The following CCNQ variants were observed in gnomAD, a reference collection of about 807,000 sequenced individuals.
CCNQ encodes the protein cyclin Q.
Under a neutral mutation model 17.7 loss-of-function variants are expected in CCNQ, and 3 were observed. The observed-to-expected ratio is 0.17, with a 90% CI of 0.08 to 0.44. The LOEUF (loss-of-function observed/expected upper bound fraction) is 0.44, where lower values mean the gene tolerates loss of function less well. Among genes scored for constraint, CCNQ ranks in the 20% least tolerant of loss-of-function variants. The pLI is 0.99. For synonymous variants in CCNQ, 73 were observed against 96.0 expected, an observed-to-expected ratio of 0.76 and a Z score of 1.40; for missense variants, 146 against 222.6, an observed-to-expected ratio of 0.66 and a Z score of 2.19.
rs59053078 is a variant in CCNQ at position 153,590,231 on chromosome X, T to TAAAAAAAAAAAAA, written c.658-1790_658-1778dup. 2.2e-3 allele frequency among the ~76,000 whole-genome samples: 59 copies of TAAAAAAAAAAAAA among 26,450 alleles called. 13 individuals are homozygous for TAAAAAAAAAAAAA. Among genetic ancestry groups the TAAAAAAAAAAAAA allele is most frequent in the South Asian group, 0.01 (2 of 200 alleles). 23.0% of individuals were successfully genotyped at this position (26,450 alleles called of 115,157 possible). Reference sequence around the variant, plus strand: ...CAATAGAGTGAGACTCTGTCTCTATTAAAAAAAAAAAAAAAAAAAAAAAAA... The same window carrying TAAAAAAAAAAAAA: ...CAATAGAGTGAGACTCTGTCTCTATTAAAAAAAAAAAAAAAAAAAAAAAAAAAAAAAAAAAAAA... On this transcript the variant is annotated intron_variant, in intron 4 of 4. Coordinates refer to ENST00000576892, the MANE Select transcript of CCNQ (RefSeq NM_152274.5).
intron 4 of CCNQ, 36 bp downstream of exon 4, chrX:153,592,470 A>AG (rs2090998226): frequency 3.4e-6 from 4 of 1,165,177 alleles, no homozygotes; most frequent in Non-Finnish European, 4.7e-6. Context: ...CCAGAGGGAA[A>AG]GGGGGCACGT....
intron 4 of CCNQ, among the ~76,000 whole-genome samples, chrX:153,590,423 C>T (rs1256320817): frequency 1.8e-5 from 2 of 110,032 alleles, no homozygotes; most frequent in African/African-American, 6.6e-5. Flanking sequence ...CACAGAAAGG[C>T]CCGCACTGTA....
rs782345676 is a variant in CCNQ, at chrX:153,599,044, C to A, written c.30G>T (p.Gly10=). ...GCCCCTCCGGGCCCCGCGCTGCAGGCCCCCCTCCGCCGCCCTCCGGGGCTT... is the reference window on the plus strand; with the variant it reads ...GCCCCTCCGGGCCCCGCGCTGCAGGACCCCCTCCGCCGCCCTCCGGGGCTT... MEAPEGGGG[G]PAARGPEGQP... Residue 10 remains glycine, a synonymous_variant, in exon 1 of 5, where the codon GGG becomes GGT. Coordinates refer to ENST00000576892, the MANE Select transcript of CCNQ (RefSeq NM_152274.5). 3.7e-6 allele frequency: 4 copies of A among 1,078,298 alleles called. No homozygotes were observed. Among genetic ancestry groups the A allele is most frequent in the Non-Finnish European group, 4.8e-6 (4 of 831,258 alleles). The allele number at this position is 1,078,298 out of a possible 1,213,427, so 88.9% of individuals were successfully genotyped here.
chrX:153,596,295 A>G, intron 1 of CCNQ, 108 bp from the exon 2 acceptor site: 3 of 874,477 alleles, frequency 3.4e-6, no homozygotes, highest in Non-Finnish European at 5.0e-6. Context: ...CTACTTGGAC[A>G]AGGCTAAGAA....
chrX:153,589,843 G>A (rs1557025365), intron 4 of CCNQ, among the ~76,000 whole-genome samples: 2 of 112,109 alleles, frequency 1.8e-5, no homozygotes, highest in African/African-American at 3.2e-5. Flanking sequence ...GGCTCTGGGT[G>A]AAAAACAAAT....
At chrX:153,588,491 C>T (rs2090969877) in intron 4 of CCNQ, 37 bp from the exon 5 acceptor site, 1 of 1,029,910 alleles carries the variant, frequency 9.7e-7, no homozygotes, top group South Asian at 1.9e-5. Context: ...CAGTTAGACT[C>T]CCTCTATGTT....
In CCNQ at chrX:153,596,086, T is replaced by C; in HGVS notation, c.214A>G (p.Ile72Val). Residue 72 changes from isoleucine to valine, a missense_variant, in exon 2 of 5, where the codon ATT (isoleucine) becomes GTT (valine). Physicochemically the swap from Ile to Val is conservative, Grantham distance 29 (BLOSUM62 3). Coordinates refer to ENST00000576892, the MANE Select transcript of CCNQ (RefSeq NM_152274.5). ...TNLDAYDPYLIAMSSIYLAGK... is the reference protein window; with the variant it reads ...TNLDAYDPYLVAMSSIYLAGK... Reference sequence around the variant, plus strand: ...GCCAAGTAAATTGAAGACATGGCAATCAGGTAAGGGTCATAGGCGTCCAGG... The same window carrying C: ...GCCAAGTAAATTGAAGACATGGCAACCAGGTAAGGGTCATAGGCGTCCAGG... 1 of 1,211,954 alleles carries C rather than the reference T, an allele frequency of 8.3e-7. No homozygotes were observed. Among genetic ancestry groups the C allele is most frequent in the Non-Finnish European group, 1.1e-6 (1 of 895,526 alleles).
chrX:153,598,024 GC>G (rs2091039622), intron 1 of CCNQ, among the ~76,000 whole-genome samples: 2 of 111,194 alleles, frequency 1.8e-5, no homozygotes, highest in Non-Finnish European at 3.8e-5. Flanking sequence ...CAGACTCTCC[GC>G]CCACCTTGGG....
rs782001234 is a variant in CCNQ, at chrX:153,599,125, G to A, written c.-52C>T. 7.5e-6 allele frequency: 5 copies of A among 668,122 alleles called. No individual in the cohort carries two copies. The African/African-American group carries it at 9.8e-5, about 13-fold the overall frequency. 55.1% of individuals were successfully genotyped at this position (668,122 alleles called of 1,213,427 possible). Reference sequence around the variant, plus strand: ...GAGGCGGCCCCGGCGCGCAGAAGCCGGCAGAACTGGAGGTGCTCGCGGCGG... The same window carrying A: ...GAGGCGGCCCCGGCGCGCAGAAGCCAGCAGAACTGGAGGTGCTCGCGGCGG... On this transcript the variant is annotated 5_prime_UTR_variant, in exon 1 of 5. Coordinates refer to ENST00000576892, the MANE Select transcript of CCNQ (RefSeq NM_152274.5).
chrX:153,588,136 C>T lies in CCNQ; in HGVS notation c.*229G>A, dbSNP rs952929380. On this transcript the variant is annotated 3_prime_UTR_variant, in exon 5 of 5. Coordinates refer to ENST00000576892, the MANE Select transcript of CCNQ (RefSeq NM_152274.5). Reference sequence around the variant, plus strand: ...TGCCTTGGGTCAGCTGCACACAGTACACTCCCGGCCTGCCCGCTGGAGGCG... The same window carrying T: ...TGCCTTGGGTCAGCTGCACACAGTATACTCCCGGCCTGCCCGCTGGAGGCG... The T allele has an allele frequency of 5.8e-6, 3 of 513,128 alleles. No individual in the cohort carries two copies. Among genetic ancestry groups the T allele is most frequent in the Non-Finnish European group, 1.1e-5 (3 of 280,037 alleles). The allele number at this position is 513,128 out of a possible 1,213,427, so 42.3% of individuals were successfully genotyped here.
At chrX:153,594,443 T>C (rs782308864) in intron 3 of CCNQ, 104 bp downstream of exon 3, 2 of 1,053,776 alleles carry the variant, frequency 1.9e-6, no homozygotes, top group East Asian at 3.0e-5. Context: ...CTGCTCTCCT[T>C]CTGTGCTGTG....
Position 153,599,079 on chromosome X carries a change from G to C in CCNQ, c.-6C>G. ...CCGCCCTCCGGGGCTTCCATGAGGCGCCGCGGCACCGGCGGAAGGAGAGGC... is the reference window on the plus strand; with the variant it reads ...CCGCCCTCCGGGGCTTCCATGAGGCCCCGCGGCACCGGCGGAAGGAGAGGC... On this transcript the variant is annotated 5_prime_UTR_variant, in exon 1 of 5. Coordinates refer to ENST00000576892, the MANE Select transcript of CCNQ (RefSeq NM_152274.5). 1 of 981,742 alleles carries C rather than the reference G, an allele frequency of 1.0e-6. No individual in the cohort carries two copies. The highest frequency in any genetic ancestry group is 4.0e-4 in the Middle Eastern group (1 of 2,472). 80.9% of individuals were successfully genotyped at this position (981,742 alleles called of 1,213,427 possible). A position where few individuals can be genotyped will look rare whatever the true frequency, so the allele number is the denominator to read the frequency against.
At position 153,588,443 on chromosome X, in the gene CCNQ, G is replaced by A. The variant is rs376050298; in HGVS notation, c.669C>T (p.Asp223=). ...TATCAATGATTGGCTTGGTAAGGTCGTCATTAAACACCTAGAAAGAAGAAG... is the reference window on the plus strand; with the variant it reads ...TATCAATGATTGGCTTGGTAAGGTCATCATTAAACACCTAGAAAGAAGAAG... The part of the protein sequence containing the change: ...AEKPWWQVFN[D]DLTKPIIDNI... The change falls in exon 5 of 5, where the codon GAC becomes GAT. Residue 223 remains aspartate, a synonymous_variant. Coordinates refer to ENST00000576892, the MANE Select transcript of CCNQ (RefSeq NM_152274.5). The A allele has an allele frequency of 2.6e-4, 310 of 1,199,793 alleles. No individual in the cohort carries two copies. Among genetic ancestry groups the A allele is most frequent in the South Asian group, 8.3e-4 (47 of 56,636 alleles).
At position 153,596,180 on chromosome X, in the gene CCNQ, C is replaced by A; in HGVS notation, c.120G>T (p.Lys40Asn). The A allele has an allele frequency of 8.2e-7, 1 of 1,212,190 alleles. No individual in the cohort carries two copies. The highest frequency in any genetic ancestry group is 1.1e-6 in the Non-Finnish European group (1 of 895,524). The change falls in exon 2 of 5, where the codon AAG becomes AAT. Residue 40 changes from lysine (K) to asparagine (N), a missense_variant. Lys to Asn is a moderately conservative substitution (Grantham distance 94). Transcript: ENST00000576892. ...VARFIMEAGV[K>N]LGMRSIPIAT... Reference sequence around the variant, plus strand: ...CAATGGGAATGGACCGCATCCCTAGCTTGACACCTGCGGAGAGAAAGCAGG... The same window carrying A: ...CAATGGGAATGGACCGCATCCCTAGATTGACACCTGCGGAGAGAAAGCAGG...
At chrX:153,594,954 G>C (rs782793929) in intron 2 of CCNQ, among the ~76,000 whole-genome samples, 1 of 112,568 alleles carries the variant, frequency 8.9e-6, no homozygotes, top group Non-Finnish European at 1.9e-5. Flanking sequence ...CAAGTGCAAA[G>C]ACTGGCTGTT....
intron 4 of CCNQ, among the ~76,000 whole-genome samples, chrX:153,591,913 A>G (rs2090994294): frequency 9.1e-6 from 1 of 109,344 alleles, no homozygotes; most frequent in South Asian, 4.0e-4. Flanking sequence ...GTGGTCTTCC[A>G]CAAGGCACAC....
intron 4 of CCNQ, 88 bp downstream of exon 4, chrX:153,592,418 G>A: frequency 1.1e-6 from 1 of 926,125 alleles, no homozygotes; most frequent in Non-Finnish European, 1.5e-6. Flanking sequence ...TTTCTTCATG[G>A]ATAATTAATA....
rs1557025044 is a variant in CCNQ at position 153,588,381 on chromosome X, T to C, written c.731A>G (p.Asp244Gly). The C allele has an allele frequency of 8.3e-7, 1 of 1,209,666 alleles. No individual in the cohort carries two copies. The highest frequency in any genetic ancestry group is 1.8e-5 in the South Asian group (1 of 56,979). ...VSDLIQIYTM[D>G]TEIP ...GCCAGGACCTTAGGGGATCTCTGTG[T>C]CCATGGTATAAATCTGAATGAGATC... The change falls in exon 5 of 5, where the codon GAC becomes GGC. Residue 244 changes from aspartate to glycine, a missense_variant. Physicochemically the swap from Asp to Gly is moderately conservative, Grantham distance 94. Coordinates refer to ENST00000576892, the MANE Select transcript of CCNQ (RefSeq NM_152274.5).
chrX:153,593,803 T>C (rs534761418), intron 3 of CCNQ, among the ~76,000 whole-genome samples: 2 of 112,510 alleles, frequency 1.8e-5, no homozygotes, highest in African/African-American at 6.5e-5. Context: ...ATCCTGGCTG[T>C]GTTACCCCTG....
Sources: gnomAD v4.1 joint callset for allele counts (sites outside exome capture counted in the v4.1 genomes callset) on GRCh38, gnomAD v4.1.1 for gene constraint, MANE v1.5 for transcripts, NCBI Gene and HGNC (gene_info 2026-07-23, HGNC 2026-07-21) for gene names.